Variants in ITGA9 observed in about 807,000 individuals in gnomAD.
ITGA9 encodes the protein integrin alpha-9.
A neutral mutation model predicts 127.8 loss-of-function variants in ITGA9; 56 were observed. That is an observed-to-expected ratio of 0.44 (90% confidence interval 0.35 to 0.55). ITGA9 has a LOEUF of 0.55. ITGA9 is among the 20% of genes least tolerant of loss of function. The probability of loss-of-function intolerance (pLI) is 0.00; values close to 1 mark genes in which losing one functional copy is unlikely to be tolerated. For synonymous variants in ITGA9, 508 were observed against 514.5 expected, an observed-to-expected ratio of 0.99 and a Z score of 0.17; for missense variants, 1,196 against 1,347.1, an observed-to-expected ratio of 0.89 and a Z score of 1.76.
chr3:37,551,895 G>T (rs9854932), intron 15 of ITGA9, among the ~76,000 whole-genome samples: 6,431 of 152,344 alleles, frequency 0.042, 449 homozygotes, highest in African/African-American at 0.15. Flanking sequence ...AATGAAGACG[G>T]ATGAGCCGTG....
chr3:37,628,657 C>G (rs1438990628), intron 15 of ITGA9, among the ~76,000 whole-genome samples: 1 of 152,110 alleles, frequency 6.6e-6, no homozygotes, highest in Non-Finnish European at 1.5e-5. Context: ...GCTTGAGATT[C>G]TTGGATTCCA....
intron 26 of ITGA9, chr3:37,790,581 CT>C (rs1169030920): frequency 4.3e-6 from 1 of 230,570 alleles, no homozygotes; most frequent in African/African-American, 2.3e-5. Flanking sequence ...ACAAGTTGTG[CT>C]TTACAGAGCA....
intron 20 of ITGA9, among the ~76,000 whole-genome samples, chr3:37,737,992 T>A (rs1296706014): frequency 1.3e-5 from 2 of 152,192 alleles, no homozygotes; most frequent in African/African-American, 4.8e-5. Context: ...CTTAATAAAC[T>A]GTAGTATAGT....
chr3:37,536,909 C>T (rs1699213324), intron 14 of ITGA9, among the ~76,000 whole-genome samples: 1 of 152,250 alleles, frequency 6.6e-6, no homozygotes, highest in African/African-American at 2.4e-5. Context: ...GCCTCCAGGT[C>T]TGCACCAGTG....
chr3:37,783,009 G>T (rs184319666), intron 25 of ITGA9, among the ~76,000 whole-genome samples: 1 of 152,052 alleles, frequency 6.6e-6, no homozygotes, highest in Non-Finnish European at 1.5e-5. Flanking sequence ...CATGGTGGTG[G>T]GCACCTGTAG....
At chr3:37,696,897 T>C (rs1700890379) in intron 18 of ITGA9, among the ~76,000 whole-genome samples, 1 of 152,176 alleles carries the variant, frequency 6.6e-6, no homozygotes, top group Non-Finnish European at 1.5e-5. Context: ...GTGTTAGAAA[T>C]GCAGAATCTC....
chr3:37,595,831 C>T (rs985050570), intron 15 of ITGA9, among the ~76,000 whole-genome samples: 3 of 152,202 alleles, frequency 2.0e-5, no homozygotes, highest in Admixed American at 6.5e-5. Flanking sequence ...CCTGGACCGC[C>T]GACCTTGTGT....
chr3:37,579,606 G>T lies in ITGA9; in HGVS notation c.1689+37021G>T, dbSNP rs74319862. On this transcript the variant is annotated intron_variant, in intron 15 of 27. Coordinates refer to ENST00000264741, the MANE Select transcript of ITGA9 (RefSeq NM_002207.3). Reference sequence around the variant, plus strand: ...ATATTGTAGATTGGAATAAAGTTGAGTTTGGTTAAAAGGGAAAAGTAGAGA... The same window carrying T: ...ATATTGTAGATTGGAATAAAGTTGATTTTGGTTAAAAGGGAAAAGTAGAGA... Among the ~76,000 whole-genome samples, 366 of 152,232 alleles carry T rather than the reference G, an allele frequency of 2.4e-3. 2 individuals carry two copies. The highest frequency in any genetic ancestry group is 8.5e-3 in the African/African-American group (355 of 41,554).
intron 15 of ITGA9, among the ~76,000 whole-genome samples, chr3:37,586,139 G>A (rs1199957202): frequency 1.3e-5 from 2 of 152,146 alleles, no homozygotes; most frequent in African/African-American, 2.4e-5. Flanking sequence ...TATTGCCTGT[G>A]CCAACAGTAT....
chr3:37,470,924 C>T (rs1698423752), intron 1 of ITGA9, 83 bp from the exon 2 acceptor site: 3 of 1,443,912 alleles, frequency 2.1e-6, no homozygotes, highest in East Asian at 2.3e-5. Context: ...GAGAGCCCAC[C>T]CGTGGTTGGG....
intron 15 of ITGA9, among the ~76,000 whole-genome samples, chr3:37,571,121 G>T (rs1239123720): frequency 6.6e-6 from 1 of 152,158 alleles, no homozygotes; most frequent in Non-Finnish European, 1.5e-5. Flanking sequence ...CCCTTTTTGG[G>T]GGCAGGAGGG....
At chr3:37,526,236 G>C (rs984365097) in intron 13 of ITGA9, among the ~76,000 whole-genome samples, 165 bp downstream of exon 13, 1 of 152,100 alleles carries the variant, frequency 6.6e-6, no homozygotes, top group Non-Finnish European at 1.5e-5. Flanking sequence ...CTCTATCCCA[G>C]AGTTTCTAGC....
chr3:37,673,903 C>A (rs1439412401), intron 17 of ITGA9, among the ~76,000 whole-genome samples: 2 of 152,178 alleles, frequency 1.3e-5, no homozygotes, highest in Non-Finnish European at 2.9e-5. Context: ...CCGTGAGTCT[C>A]TAAATTTTGA....
intron 15 of ITGA9, among the ~76,000 whole-genome samples, chr3:37,559,137 G>A (rs150832642): frequency 3.5e-4 from 53 of 152,302 alleles, no homozygotes; most frequent in Middle Eastern, 3.4e-3. Context: ...AGGTTCCAGC[G>A]TTGTTTCTTC....
Position 37,523,571 on chromosome 3 carries a change from C to T in ITGA9, c.1287C>T (p.Ser429=), listed in dbSNP as rs1396016640. 1.9e-6 allele frequency: 3 copies of T among 1,613,940 alleles called. No homozygotes were observed. The highest frequency in any genetic ancestry group is 2.5e-6 in the Non-Finnish European group (3 of 1,179,920). ...CAGTGCTCCGGATGTTTGGTCAGTC[C>T]ATATCGGGAGGCATTGATATGGATG... is the stretch of plus-strand genomic sequence containing the variant. The part of the protein sequence containing the change: ...INPVLRMFGQ[S]ISGGIDMDGN... The change falls in exon 12 of 28, where the codon TCC becomes TCT. Residue 429 remains serine (S), a synonymous_variant. Coordinates refer to ENST00000264741, the MANE Select transcript of ITGA9 (RefSeq NM_002207.3).
At chr3:37,797,996 T>C (rs1697194501) in intron 26 of ITGA9, among the ~76,000 whole-genome samples, 2 of 152,098 alleles carry the variant, frequency 1.3e-5, no homozygotes, top group African/African-American at 4.8e-5. Context: ...ATTTATTTTA[T>C]TTTATTTTAT....
chr3:37,537,225 G>T (rs1559531183), intron 14 of ITGA9, among the ~76,000 whole-genome samples: 2 of 151,820 alleles, frequency 1.3e-5, no homozygotes, highest in Non-Finnish European at 2.9e-5. Flanking sequence ...GGAGAATGGG[G>T]GGAAAATTGA....
At chr3:37,709,454 T>G (rs919433575) in intron 18 of ITGA9, among the ~76,000 whole-genome samples, 4 of 152,220 alleles carry the variant, frequency 2.6e-5, no homozygotes, top group Non-Finnish European at 5.9e-5. Context: ...TCAGTTTTTC[T>G]TTCAAAACTT....
Position 37,743,969 on chromosome 3 carries a change from G to T in ITGA9, c.2368G>T (p.Ala790Ser), listed in dbSNP as rs201925616. ...CTTTGTATATGGCGAGTCCGTGGACGCAGCCAACTTCATTCAGCTGGATGA... is the reference window on the plus strand; with the variant it reads ...CTTTGTATATGGCGAGTCCGTGGACTCAGCCAACTTCATTCAGCTGGATGA... ...TSFVYGESVD[A>S]ANFIQLDDLE... The change falls in exon 22 of 28, where the codon GCA becomes TCA. Residue 790 changes from alanine (A) to serine (S), a missense_variant. Physicochemically the swap from Ala to Ser is moderately conservative, Grantham distance 99. Transcript: ENST00000264741. 6.2e-7 allele frequency: 1 copy of T among 1,614,010 alleles called. No homozygotes were observed. Among genetic ancestry groups the T allele is most frequent in the Non-Finnish European group, 8.5e-7 (1 of 1,179,854 alleles).
Sources: allele counts gnomAD v4.1 joint callset (sites outside exome capture counted in the v4.1 genomes callset), GRCh38; gene constraint gnomAD v4.1.1; transcripts MANE v1.5; gene names NCBI Gene and HGNC (gene_info 2026-07-23, HGNC 2026-07-21).